Variants in NAAA observed in about 807,000 individuals in gnomAD.
The protein encoded by NAAA is N-acylethanolamine acid amidase.
Under a neutral mutation model 44.8 loss-of-function variants are expected in NAAA, and 39 were observed. The observed-to-expected ratio is 0.87, with a 90% CI of 0.67 to 1.14. NAAA has a LOEUF of 1.14. NAAA is among the 50% of genes most tolerant of loss of function. The pLI, the probability that NAAA is intolerant of heterozygous loss-of-function variation, is 0.00. For missense variants in NAAA, 460 were observed against 467.8 expected, an observed-to-expected ratio of 0.98 and a Z score of 0.15; for synonymous variants, 178 against 191.3, an observed-to-expected ratio of 0.93 and a Z score of 0.58.
chr4:75,932,933 A>C (rs892822045), intron 3 of NAAA, among the ~76,000 whole-genome samples: 8 of 152,090 alleles, frequency 5.3e-5, no homozygotes, highest in Non-Finnish European at 8.8e-5. Flanking sequence ...CCAGGAATTT[A>C]AGACCAGCCT....
intron 9 of NAAA, chr4:75,917,068 T>C (rs72864159): frequency 0.084 from 79,831 of 946,744 alleles, 5,606 homozygotes; most frequent in African/African-American, 0.35. Flanking sequence ...TGTGAGCCAC[T>C]GCGCCCAGCC....
intron 5 of NAAA, among the ~76,000 whole-genome samples, chr4:75,924,159 T>C (rs1344820739): frequency 6.6e-6 from 1 of 152,236 alleles, no homozygotes; most frequent in Non-Finnish European, 1.5e-5. Context: ...GTCCGCATTC[T>C]AGTTTTCTGT....
At chr4:75,934,769 T>C (rs1727563955) in intron 3 of NAAA, 1 of 152,218 alleles carries the variant, frequency 6.6e-6, no homozygotes, top group Non-Finnish European at 1.5e-5. Context: ...ACTGTCTATA[T>C]TCAGTAACAG....
At position 75,913,841 on chromosome 4, in the gene NAAA, C is replaced by A; in HGVS notation, c.*534G>T. On this transcript the variant is annotated 3_prime_UTR_variant, in exon 11 of 11. Transcript: ENST00000286733. ...AAAACGTTAGAAACATTATAAAAAA[C>A]GAGACTCCCATTACATGGAAACACA... is the stretch of plus-strand genomic sequence containing the variant. 1 of 985,230 alleles carries A rather than the reference C, an allele frequency of 1.0e-6. No homozygotes were observed. Among genetic ancestry groups the A allele is most frequent in the Non-Finnish European group, 1.2e-6 (1 of 829,784 alleles). The allele number at this position is 985,230 out of a possible 1,614,324, so 61.0% of individuals were successfully genotyped here. A position where few individuals can be genotyped will look rare whatever the true frequency, so the allele number is the denominator to read the frequency against.
At chr4:75,940,596 G>A (rs1728179887) in intron 1 of NAAA, 148 bp downstream of exon 1, 8 of 907,464 alleles carry the variant, frequency 8.8e-6, no homozygotes, top group Non-Finnish European at 9.5e-6. Flanking sequence ...CCCCAACCCG[G>A]ACGCTGCTCA....
At chr4:75,935,993 T>G (rs1182676514) in intron 3 of NAAA, 116 bp downstream of exon 3, 4 of 1,210,126 alleles carry the variant, frequency 3.3e-6, no homozygotes, top group South Asian at 2.7e-5. Flanking sequence ...TCCAGGGGTG[T>G]GATTTTTTTG....
At position 75,919,958 on chromosome 4, in the gene NAAA, G is replaced by GC. The variant is rs1462098313; in HGVS notation, c.919dup (p.Ala307GlyfsTer3). The GC allele has an allele frequency of 6.2e-7, 1 of 1,613,864 alleles. No individual in the cohort carries two copies. The highest frequency in any genetic ancestry group is 8.5e-7 in the Non-Finnish European group (1 of 1,179,926). On this transcript the variant is annotated frameshift_variant, in exon 8 of 11. Transcript: ENST00000286733. LOFTEE classifies it high-confidence loss of function. ...GTTTGCTTGTCCTGTAGCATTAAGG[G>GC]CCTTGATGGCAGATGTTCTGTAAGG...
At chr4:75,917,237 G>A (rs1340042812) in intron 9 of NAAA, 2 of 252,930 alleles carry the variant, frequency 7.9e-6, no homozygotes, top group African/African-American at 4.6e-5. Flanking sequence ...CTACAGTCTG[G>A]TGAGGGCCAA....
In NAAA at chr4:75,932,517, A is replaced by G. The variant is rs1338611795; in HGVS notation, c.499-1213T>C. 5.9e-5 allele frequency among the ~76,000 whole-genome samples: 9 copies of G among 152,100 alleles called. No individual in the cohort carries two copies. In the East Asian group the frequency reaches 1.7e-3, roughly 29 times the overall value. On this transcript the variant is annotated intron_variant, in intron 3 of 10. Transcript: ENST00000286733. The stretch of plus-strand genomic sequence containing the variant: ...CTGCAGGAGAAAAATCAAACTCTGT[A>G]TGTCACCGAGGCTGGAGTGCAATGG...
At chr4:75,937,991 A>G (rs1727885072) in intron 2 of NAAA, among the ~76,000 whole-genome samples, 1 of 152,230 alleles carries the variant, frequency 6.6e-6, no homozygotes, top group Non-Finnish European at 1.5e-5. Context: ...AAATGAGGAA[A>G]CAGGCTCTGC....
At chr4:75,917,834 T>C (rs929273512) in intron 9 of NAAA, 4 of 384,014 alleles carry the variant, frequency 1.0e-5, no homozygotes, top group African/African-American at 6.5e-5. Flanking sequence ...TCCTAGGCTA[T>C]ACACTAGAGA....
chr4:75,927,880 A>G (rs1021952887), intron 4 of NAAA, among the ~76,000 whole-genome samples: 18 of 152,188 alleles, frequency 1.2e-4, no homozygotes, highest in Non-Finnish European at 2.4e-4. Flanking sequence ...AAGATACTCC[A>G]TATCATTAAT....
Position 75,940,979 on chromosome 4 carries a change from G to A in NAAA, c.-30C>T. ...CGGGCTCCAGCGGCCGCAACTTGGAGACCTGCAGCCGCTGTCGGAGCCCGG... is the reference window on the plus strand; with the variant it reads ...CGGGCTCCAGCGGCCGCAACTTGGAAACCTGCAGCCGCTGTCGGAGCCCGG... On this transcript the variant is annotated 5_prime_UTR_variant, in exon 1 of 11. Coordinates refer to ENST00000286733, the MANE Select transcript of NAAA (RefSeq NM_014435.4). The A allele has an allele frequency of 2.1e-6, 3 of 1,449,856 alleles. No individual in the cohort carries two copies. Among genetic ancestry groups the A allele is most frequent in the East Asian group, 2.8e-5 (1 of 35,100 alleles). 89.8% of individuals were successfully genotyped at this position (1,449,856 alleles called of 1,614,324 possible).
intron 2 of NAAA, among the ~76,000 whole-genome samples, chr4:75,939,232 G>A (rs781106600): frequency 1.2e-4 from 19 of 152,076 alleles, no homozygotes; most frequent in Non-Finnish European, 2.2e-4. Context: ...TGTCGCCCCA[G>A]CCCTGGTGGA....
chr4:75,917,714 C>T (rs1725754271), intron 9 of NAAA: 1 of 366,576 alleles, frequency 2.7e-6, no homozygotes, highest in South Asian at 2.1e-5. Context: ...GATCCACCCG[C>T]CTTGGCCTCC....
chr4:75,921,131 A>G lies in NAAA; in HGVS notation c.667-8T>C. 6.4e-7 allele frequency: 1 copy of G among 1,563,182 alleles called. No individual in the cohort carries two copies. The highest frequency in any genetic ancestry group is 2.1e-5 in the Admixed American group (1 of 46,672). ...TTCCGACTCACTCAGGGTCTGAACG[A>G]AAGGATGAACTTGCGTGAGCAACCC... On this transcript the variant is annotated splice_region_variant and splice_polypyrimidine_tract_variant and intron_variant, in intron 5 of 10. Transcript: ENST00000286733.
In NAAA at chr4:75,927,399, C is replaced by T. The variant is rs117272863; in HGVS notation, c.590-1588G>A. Reference sequence around the variant, plus strand: ...GATTGAGGCTGCAGTGAGCCAAGATCCCGCCACTGTACTCCAGCCTGGGCA... The same window carrying T: ...GATTGAGGCTGCAGTGAGCCAAGATTCCGCCACTGTACTCCAGCCTGGGCA... On this transcript the variant is annotated intron_variant, in intron 4 of 10. Transcript: ENST00000286733. Among the ~76,000 whole-genome samples the T allele has an allele frequency of 1.2e-3, 180 of 152,032 alleles. 2 individuals carry two copies. In the East Asian group the frequency reaches 0.024, roughly 20 times the overall value.
At chr4:75,921,232 T>G in intron 5 of NAAA, 109 bp from the exon 6 acceptor site, 4 of 1,006,202 alleles carry the variant, frequency 4.0e-6, no homozygotes, top group Non-Finnish European at 5.7e-6. Flanking sequence ...ATGTCATGAC[T>G]ATCACCTTGA....
chr4:75,939,972 G>C (rs763119149), intron 2 of NAAA, 29 bp downstream of exon 2: 1 of 1,610,384 alleles, frequency 6.2e-7, no homozygotes, highest in Non-Finnish European at 8.5e-7. Context: ...CAAGCCCCGC[G>C]TTACTCCGCG....
Sources: allele counts gnomAD v4.1 joint callset (sites outside exome capture counted in the v4.1 genomes callset), GRCh38; gene constraint gnomAD v4.1.1; transcripts MANE v1.5; gene names NCBI Gene and HGNC (gene_info 2026-07-23, HGNC 2026-07-21).